The following NRG3 variants were observed in gnomAD, a reference collection of about 807,000 sequenced individuals.
The protein encoded by NRG3 is pro-neuregulin-3, membrane-bound isoform.
NRG3 carries 31 observed loss-of-function variants against 66.9 expected under a neutral mutation model. The ratio of observed to expected loss-of-function variants is 0.46; its 90% CI spans 0.35 to 0.63. The LOEUF is 0.63. Among genes scored for constraint, NRG3 ranks in the 20% least tolerant of loss-of-function variants. The pLI is 0.00. For missense variants in NRG3, 910 were observed against 878.9 expected, an observed-to-expected ratio of 1.04 and a Z score of -0.45; for synonymous variants, 393 against 359.4, an observed-to-expected ratio of 1.09 and a Z score of -1.06.
chr10:82,203,138 A>G (rs1203359574), intron 1 of NRG3, among the ~76,000 whole-genome samples: 3 of 152,200 alleles, frequency 2.0e-5, no homozygotes, highest in African/African-American at 7.2e-5. Flanking sequence ...AGGACGGATT[A>G]TAGAAAAGAG....
chr10:82,096,204 CA>C (rs1488584184), intron 1 of NRG3, among the ~76,000 whole-genome samples: 1 of 151,876 alleles, frequency 6.6e-6, no homozygotes, highest in African/African-American at 2.4e-5. Flanking sequence ...TGGCTGGGCA[CA>C]GTGGCTCATG....
At chr10:82,681,576 TC>T (rs2054113515) in intron 2 of NRG3, among the ~76,000 whole-genome samples, 1 of 152,186 alleles carries the variant, frequency 6.6e-6, no homozygotes, top group Non-Finnish European at 1.5e-5. Context: ...CATAATATTC[TC>T]CTGAAGTAAA....
At chr10:82,457,707 C>T (rs2091334396) in intron 2 of NRG3, among the ~76,000 whole-genome samples, 1 of 152,172 alleles carries the variant, frequency 6.6e-6, no homozygotes, top group Non-Finnish European at 1.5e-5. Flanking sequence ...TATCATAATT[C>T]AGCACACACT....
At chr10:82,561,842 G>C (rs1257558843) in intron 2 of NRG3, among the ~76,000 whole-genome samples, 2 of 152,170 alleles carry the variant, frequency 1.3e-5, no homozygotes, top group Non-Finnish European at 2.9e-5. Context: ...AAAAGACATA[G>C]AGGTGAGGAG....
In NRG3 at chr10:81,875,243, C is replaced by A. The variant is rs1464875750; in HGVS notation, c.-98C>A. 5.2e-6 allele frequency: 4 copies of A among 765,668 alleles called. No homozygotes were observed. In the African/African-American group the frequency reaches 7.7e-5, roughly 15 times the overall value. 47.4% of individuals were successfully genotyped at this position (765,668 alleles called of 1,614,324 possible). On this transcript the variant is annotated 5_prime_UTR_variant, in exon 1 of 9. Transcript: ENST00000372141. The surrounding 1 kb of genome is among the most constrained non-coding windows in gnomAD (Gnocchi z 5.3). ...CGCTGCCTGCGCCCGAGCCCGCCGC[C>A]GCCGCCGGAGCCCGCGCCCGCGCCC...
intron 1 of NRG3, among the ~76,000 whole-genome samples, chr10:82,342,593 T>C (rs540302851): frequency 9.1e-4 from 138 of 152,090 alleles, no homozygotes; most frequent in Middle Eastern, 3.4e-3. Context: ...TGTTTATGTG[T>C]TTTGCCCCCT....
At chr10:82,269,336 T>G (rs2078472264) in intron 1 of NRG3, among the ~76,000 whole-genome samples, 1 of 152,192 alleles carries the variant, frequency 6.6e-6, no homozygotes, top group Non-Finnish European at 1.5e-5. Flanking sequence ...TTTCTTTTCC[T>G]TTCTCATAAG....
intron 2 of NRG3, among the ~76,000 whole-genome samples, chr10:82,409,876 G>C (rs1252795027): frequency 6.6e-6 from 1 of 152,104 alleles, no homozygotes; most frequent in Non-Finnish European, 1.5e-5. Context: ...AACTCAGCTG[G>C]TGTTGTCAGC....
intron 1 of NRG3, among the ~76,000 whole-genome samples, chr10:81,933,715 G>A (rs1343108022): frequency 1.3e-5 from 2 of 152,174 alleles, no homozygotes; most frequent in Admixed American, 1.3e-4. Context: ...GGTACAAGAT[G>A]AAAGTGTATG....
intron 1 of NRG3, among the ~76,000 whole-genome samples, chr10:82,305,600 A>G (rs143585284): frequency 0.017 from 2,566 of 151,754 alleles, 59 homozygotes; most frequent in African/African-American, 0.055. Flanking sequence ...TTTTCTTATT[A>G]TGGTTCTTAT....
chr10:82,954,940 A>AT (rs1849897560), intron 5 of NRG3, among the ~76,000 whole-genome samples: 1 of 151,600 alleles, frequency 6.6e-6, no homozygotes, highest in South Asian at 2.1e-4. Context: ...ATGCATATAC[A>AT]TTTTTTACTT....
intron 3 of NRG3, among the ~76,000 whole-genome samples, chr10:82,772,577 A>G (rs2059753607): frequency 6.6e-6 from 1 of 151,704 alleles, no homozygotes; most frequent in African/African-American, 2.4e-5. Flanking sequence ...AGATCATGCA[A>G]TATGTTTTCT....
At chr10:82,839,093 A>G (rs1341163863) in intron 3 of NRG3, among the ~76,000 whole-genome samples, 1 of 152,212 alleles carries the variant, frequency 6.6e-6, no homozygotes, top group Non-Finnish European at 1.5e-5. Context: ...TATGCGAGCT[A>G]CAATTCAAGA....
intron 1 of NRG3, among the ~76,000 whole-genome samples, chr10:82,334,488 A>G (rs998954198): frequency 6.6e-6 from 1 of 152,208 alleles, no homozygotes; most frequent in Non-Finnish European, 1.5e-5. Flanking sequence ...CTAGAAGACA[A>G]TGTCTGAGCC....
chr10:82,450,584 G>A (rs1444503372), intron 2 of NRG3, among the ~76,000 whole-genome samples: 1 of 152,102 alleles, frequency 6.6e-6, no homozygotes, highest in Non-Finnish European at 1.5e-5. Context: ...CAAATCTCTT[G>A]TTGCCAAAGC....
chr10:82,763,032 A>G (rs2059388767), intron 3 of NRG3, among the ~76,000 whole-genome samples: 1 of 152,186 alleles, frequency 6.6e-6, no homozygotes, highest in Admixed American at 6.6e-5. Context: ...CAGTGACAAC[A>G]TTTATACACT....
intron 2 of NRG3, among the ~76,000 whole-genome samples, chr10:82,584,362 A>G (rs1318798054): frequency 6.6e-6 from 1 of 152,226 alleles, no homozygotes; most frequent in Non-Finnish European, 1.5e-5. Flanking sequence ...CTGGGATTAC[A>G]GGCATGAGCC....
At chr10:82,139,477 T>C (rs2069612025) in intron 1 of NRG3, among the ~76,000 whole-genome samples, 1 of 152,184 alleles carries the variant, frequency 6.6e-6, no homozygotes, top group Non-Finnish European at 1.5e-5. Context: ...AAGACTGTGG[T>C]AGTGTTTGTT....
At chr10:82,942,525 A>AT (rs1592039273) in intron 4 of NRG3, among the ~76,000 whole-genome samples, 1 of 152,186 alleles carries the variant, frequency 6.6e-6, no homozygotes, top group African/African-American at 2.4e-5. Context: ...AGCACAATTT[A>AT]TTTTTCTTAA....
Sources: gnomAD v4.1 joint callset for allele counts (sites outside exome capture counted in the v4.1 genomes callset) on GRCh38, gnomAD v4.1.1 for gene constraint, Gnocchi (gnomAD v3.1) non-coding constraint, MANE v1.5 for transcripts, NCBI Gene and HGNC (gene_info 2026-07-23, HGNC 2026-07-21) for gene names.